The following CDH23 variants were observed in gnomAD, a reference collection of about 807,000 sequenced individuals.
The protein encoded by CDH23 is cadherin-23.
Under a neutral mutation model 317.1 loss-of-function variants are expected in CDH23, and 189 were observed. That is an observed-to-expected ratio of 0.60 (90% CI 0.53 to 0.67). CDH23 has a LOEUF of 0.67. Among genes scored for constraint, CDH23 ranks in the 30% least tolerant of loss-of-function variants. CDH23 has a pLI of 0.00. For synonymous variants in CDH23, 1,839 were observed against 1,876.8 expected (o/e 0.98, Z 0.52); for missense variants, 4,401 against 4,592.4 (o/e 0.96, Z 1.20).
chr10:71,527,008 G>A (rs1855077025), intron 6 of CDH23, among the ~76,000 whole-genome samples: 2 of 152,208 alleles, frequency 1.3e-5, no homozygotes, highest in African/African-American at 4.8e-5. Context: ...ACAGACCATT[G>A]TGAGAGTGGT....
intron 6 of CDH23, among the ~76,000 whole-genome samples, chr10:71,553,815 A>G (rs886456367): frequency 6.6e-6 from 1 of 152,220 alleles, no homozygotes; most frequent in Non-Finnish European, 1.5e-5. Context: ...GGGTACAAAG[A>G]GCTCAGGGCA....
chr10:71,770,652 G>A (rs886156276), intron 38 of CDH23, among the ~76,000 whole-genome samples: 1 of 152,166 alleles, frequency 6.6e-6, no homozygotes, highest in Non-Finnish European at 1.5e-5. Flanking sequence ...GGTTCTCCTT[G>A]AGGATCCCTT....
chr10:71,461,897 A>G (rs60555113), intron 3 of CDH23, among the ~76,000 whole-genome samples: 61,208 of 152,028 alleles, frequency 0.4, 13,416 homozygotes, highest in East Asian at 0.6. Flanking sequence ...GAAATTCTTC[A>G]GTAATGTTGC....
chr10:71,771,842 C>G (rs1422532348), intron 38 of CDH23, among the ~76,000 whole-genome samples: 4 of 151,994 alleles, frequency 2.6e-5, no homozygotes, highest in African/African-American at 9.7e-5. Context: ...TCCCTGTGCC[C>G]TGGATCTCTA....
At chr10:71,802,760 C>T in intron 53 of CDH23, 138 bp from the exon 54 acceptor site, 1 of 895,078 alleles carries the variant, frequency 1.1e-6, no homozygotes, top group South Asian at 1.5e-5. Flanking sequence ...AGTCAGACTC[C>T]AACACATTAG....
intron 20 of CDH23, among the ~76,000 whole-genome samples, chr10:71,691,132 C>T (rs546510803): frequency 9.8e-5 from 15 of 152,336 alleles, no homozygotes; most frequent in Admixed American, 3.9e-4. Flanking sequence ...GAGCCCCCTG[C>T]CCCCAGCTCC....
chr10:71,427,253 A>AAGAAAGAAAG (rs1849145685), intron 1 of CDH23, among the ~76,000 whole-genome samples: 1 of 145,450 alleles, frequency 6.9e-6, no homozygotes, highest in African/African-American at 2.6e-5. Flanking sequence ...AAGGGAAAGA[A>AAGAAAGAAAG]AGAAAGAGAA....
intron 7 of CDH23, among the ~76,000 whole-genome samples, chr10:71,570,105 G>A (rs1857683976): frequency 6.6e-6 from 1 of 152,078 alleles, no homozygotes; most frequent in African/African-American, 2.4e-5. Flanking sequence ...TTGCTTGCCT[G>A]GCTGCAGGGG....
chr10:71,397,788 G>A lies in CDH23; in HGVS notation c.-6+470G>A, dbSNP rs549156921. Among the ~76,000 whole-genome samples the A allele has an allele frequency of 6.6e-6, 1 of 152,228 alleles. No individual in the cohort carries two copies. Among genetic ancestry groups the A allele is most frequent in the South Asian group, 2.1e-4 (1 of 4,820 alleles). The stretch of plus-strand genomic sequence containing the variant: ...GGGGCGCACCCCTACTGCGGGCTGG[G>A]CAGAGGCGCTGAGGGGAACTAAAGG... On this transcript the variant is annotated intron_variant, in intron 1 of 69. Coordinates refer to ENST00000224721, the MANE Select transcript of CDH23 (RefSeq NM_022124.6). The surrounding 1 kb of genome is among the most constrained non-coding windows in gnomAD (Gnocchi z 4.8).
intron 9 of CDH23, among the ~76,000 whole-genome samples, chr10:71,578,820 A>T (rs1036152271): frequency 2.0e-5 from 3 of 152,210 alleles, no homozygotes; most frequent in Non-Finnish European, 4.4e-5. Context: ...CCGAAAGGAC[A>T]TCTGGCCACC....
intron 3 of CDH23, among the ~76,000 whole-genome samples, chr10:71,450,690 C>G (rs1317196697): frequency 6.6e-6 from 1 of 152,086 alleles, no homozygotes; most frequent in African/African-American, 2.4e-5. Flanking sequence ...ATCTTTTTCT[C>G]CTCCAGGACA....
At chr10:71,529,456 G>C (rs564269495) in intron 6 of CDH23, among the ~76,000 whole-genome samples, 1 of 152,202 alleles carries the variant, frequency 6.6e-6, no homozygotes, top group Non-Finnish European at 1.5e-5. Context: ...ATCCTGGAGC[G>C]GGGTGGCCTT....
intron 3 of CDH23, among the ~76,000 whole-genome samples, chr10:71,488,940 T>C (rs1001459374): frequency 2.1e-4 from 32 of 152,266 alleles, no homozygotes; most frequent in African/African-American, 7.0e-4. Flanking sequence ...ACTGTGATCA[T>C]TGAGAAATCA....
rs736717 is a variant in CDH23, at chr10:71,570,697, G to A, written c.625-93G>A. ...GTGCATGTGTTTGCACTTATGTGCT[G>A]CACGGTGCAGGTCTGTGTGTGTGTG... On this transcript the variant is annotated intron_variant, in intron 7 of 69. Transcript: ENST00000224721. 0.071 allele frequency: 102,182 copies of A among 1,437,994 alleles called. 3,994 individuals carry two copies. Among genetic ancestry groups the A allele is most frequent in the East Asian group, 0.13 (5,016 of 39,968 alleles). 89.1% of individuals were successfully genotyped at this position (1,437,994 alleles called of 1,614,324 possible).
chr10:71,548,242 A>G (rs1856393389), intron 6 of CDH23, among the ~76,000 whole-genome samples: 1 of 152,176 alleles, frequency 6.6e-6, no homozygotes, highest in Non-Finnish European at 1.5e-5. Flanking sequence ...ACACGCAGTC[A>G]TGCGGGGTGG....
intron 1 of CDH23, among the ~76,000 whole-genome samples, chr10:71,431,641 A>G (rs1461917048): frequency 6.6e-6 from 1 of 152,158 alleles, no homozygotes; most frequent in Non-Finnish European, 1.5e-5. Flanking sequence ...TTTTATGGGA[A>G]TTCATAACAG....
intron 28 of CDH23, among the ~76,000 whole-genome samples, chr10:71,723,420 C>G (rs1443950442): frequency 6.6e-6 from 1 of 152,172 alleles, no homozygotes; most frequent in African/African-American, 2.4e-5. Flanking sequence ...CCCCCACACA[C>G]AAGCCCACCA....
At chr10:71,645,473 C>T (rs1401978161) in intron 12 of CDH23, among the ~76,000 whole-genome samples, 2 of 152,230 alleles carry the variant, frequency 1.3e-5, no homozygotes, top group Non-Finnish European at 2.9e-5. Context: ...CCTCCTTCCT[C>T]TGTCTCCCCG....
chr10:71,597,099 T>C (rs10762459), intron 9 of CDH23, among the ~76,000 whole-genome samples: 50,889 of 152,124 alleles, frequency 0.33, 10,315 homozygotes, highest in Non-Finnish European at 0.48. Context: ...ACTGACTTGT[T>C]ATATCATAGG....
Sources: allele counts gnomAD v4.1 joint callset (sites outside exome capture counted in the v4.1 genomes callset), GRCh38; gene constraint gnomAD v4.1.1; non-coding constraint Gnocchi (gnomAD v3.1); transcripts MANE v1.5; gene names NCBI Gene and HGNC (gene_info 2026-07-23, HGNC 2026-07-21).